NPAS3: variants seen among roughly 807,000 people sequenced by gnomAD.
NPAS3 encodes neuronal PAS domain-containing protein 3.
Under a neutral mutation model 73.1 loss-of-function variants are expected in NPAS3, and 14 were observed. The observed-to-expected ratio is 0.19, with a 90% CI of 0.13 to 0.30. The LOEUF is 0.30. NPAS3 is among the 10% of genes least tolerant of loss of function. NPAS3 has a pLI of 1.00. For missense variants in NPAS3, 1,096 were observed against 1,250.0 expected (o/e 0.88, Z 1.86); for synonymous variants, 620 against 541.5 (o/e 1.14, Z -2.01).
intron 5 of NPAS3, among the ~76,000 whole-genome samples, chr14:33,612,162 CT>C (rs954314609): frequency 6.6e-6 from 1 of 152,144 alleles, no homozygotes; most frequent in African/African-American, 2.4e-5. Flanking sequence ...ATCTAGGAGG[CT>C]GGCAGGGAGA....
intron 1 of NPAS3, among the ~76,000 whole-genome samples, chr14:32,956,952 C>T (rs1362634905): frequency 6.6e-6 from 1 of 152,102 alleles, no homozygotes; most frequent in Non-Finnish European, 1.5e-5. Flanking sequence ...TTGGCCAAAA[C>T]CTTTCTATTT....
intron 2 of NPAS3, among the ~76,000 whole-genome samples, chr14:33,137,308 A>C (rs2043877547): frequency 6.6e-6 from 1 of 152,162 alleles, no homozygotes; most frequent in South Asian, 2.1e-4. Flanking sequence ...TTTAAGACTT[A>C]AATGTGACTT....
At chr14:33,402,972 T>C (rs1395269543) in intron 4 of NPAS3, among the ~76,000 whole-genome samples, 1 of 152,098 alleles carries the variant, frequency 6.6e-6, no homozygotes, top group East Asian at 1.9e-4. Flanking sequence ...TGGGGAGTGG[T>C]ATCTTCCATG....
At chr14:33,254,924 A>C (rs1371480105) in intron 3 of NPAS3, among the ~76,000 whole-genome samples, 1 of 152,024 alleles carries the variant, frequency 6.6e-6, no homozygotes, top group Non-Finnish European at 1.5e-5. Context: ...ATGTCAGGAG[A>C]TGCTATAATA....
chr14:33,564,346 G>A (rs946401621), intron 5 of NPAS3, among the ~76,000 whole-genome samples: 2 of 152,116 alleles, frequency 1.3e-5, no homozygotes, highest in East Asian at 1.9e-4. Flanking sequence ...ATCTCACGTA[G>A]GATTTTGGAA....
intron 8 of NPAS3, among the ~76,000 whole-genome samples, chr14:33,776,252 CAG>C (rs1271012157): frequency 6.6e-6 from 1 of 152,090 alleles, no homozygotes; most frequent in Non-Finnish European, 1.5e-5. Flanking sequence ...GACATCAAAT[CAG>C]AGGATGGACT....
chr14:33,662,332 G>A (rs1342319358), intron 5 of NPAS3, among the ~76,000 whole-genome samples: 1 of 152,200 alleles, frequency 6.6e-6, no homozygotes, highest in African/African-American at 2.4e-5. Flanking sequence ...AAGTTGGTTA[G>A]CACCACTGGT....
chr14:33,401,816 C>T (rs934717341), intron 4 of NPAS3, among the ~76,000 whole-genome samples: 1 of 152,058 alleles, frequency 6.6e-6, no homozygotes, highest in African/African-American at 2.4e-5. Flanking sequence ...GCCTAACACC[C>T]ATCCAAAGGC....
chr14:33,595,517 C>A (rs1169489922), intron 5 of NPAS3, among the ~76,000 whole-genome samples: 1 of 151,846 alleles, frequency 6.6e-6, no homozygotes, highest in Admixed American at 6.6e-5. Flanking sequence ...AAGTATATTA[C>A]ATATTTATGA....
At chr14:33,186,060 T>A (rs935297707) in intron 2 of NPAS3, among the ~76,000 whole-genome samples, 1 of 152,120 alleles carries the variant, frequency 6.6e-6, no homozygotes, top group African/African-American at 2.4e-5. Flanking sequence ...AGATGCTGGG[T>A]TAGGAGATCA....
At chr14:33,056,824 C>A (rs2040906716) in intron 2 of NPAS3, among the ~76,000 whole-genome samples, 1 of 149,722 alleles carries the variant, frequency 6.7e-6, no homozygotes, top group African/African-American at 2.4e-5. Flanking sequence ...TTAAATTCTC[C>A]TATGGAAAAT....
intron 4 of NPAS3, among the ~76,000 whole-genome samples, chr14:33,382,703 G>A (rs1443801096): frequency 2.0e-5 from 3 of 152,160 alleles, no homozygotes; most frequent in African/African-American, 7.2e-5. Context: ...AGGTGCAGGT[G>A]TAGAGACAGG....
At chr14:33,369,291 AC>A (rs900491457) in intron 4 of NPAS3, among the ~76,000 whole-genome samples, 2 of 151,830 alleles carry the variant, frequency 1.3e-5, no homozygotes, top group African/African-American at 4.8e-5. Context: ...TGGTGAGTAA[AC>A]TAGAAATCAT....
chr14:33,713,568 C>T (rs1036049029), intron 6 of NPAS3, among the ~76,000 whole-genome samples: 9 of 152,236 alleles, frequency 5.9e-5, no homozygotes, highest in African/African-American at 1.9e-4. Context: ...CTCTGACATC[C>T]ACATTCAGTC....
chr14:33,071,923 C>T (rs944195424), intron 2 of NPAS3, among the ~76,000 whole-genome samples: 1 of 151,958 alleles, frequency 6.6e-6, no homozygotes, highest in Non-Finnish European at 1.5e-5. Flanking sequence ...TGGAGTCTTG[C>T]TCCGTCACCC....
exon 6 of NPAS3, chr14:33,676,255 A>G: frequency 6.2e-7 from 1 of 1,613,860 alleles, no homozygotes; most frequent in African/African-American, 1.3e-5. Context: ...TCCACCCCGG[A>G]GATCACGTGG....
At chr14:33,504,193 A>T (rs2052652614) in intron 4 of NPAS3, among the ~76,000 whole-genome samples, 1 of 152,022 alleles carries the variant, frequency 6.6e-6, no homozygotes, top group Admixed American at 6.6e-5. Context: ...GCTTCATCAT[A>T]CATGAGGACC....
chr14:33,250,102 A>G (rs1047242878), intron 3 of NPAS3, among the ~76,000 whole-genome samples: 1 of 152,156 alleles, frequency 6.6e-6, no homozygotes, highest in African/African-American at 2.4e-5. Context: ...TTGCAGTTAC[A>G]TCGGGGTAGG....
At chr14:33,413,362 G>T (rs566203688) in intron 4 of NPAS3, among the ~76,000 whole-genome samples, 3 of 151,812 alleles carry the variant, frequency 2.0e-5, no homozygotes, top group African/African-American at 7.3e-5. Context: ...ATGAGGGCAC[G>T]GCCCCACTTG....
Sources: allele counts gnomAD v4.1 joint callset (sites outside exome capture counted in the v4.1 genomes callset), GRCh38; gene constraint gnomAD v4.1.1; transcripts MANE v1.5; gene names NCBI Gene and HGNC (gene_info 2026-07-23, HGNC 2026-07-21).